The following TAF1 variants were observed in gnomAD, a reference collection of about 807,000 sequenced individuals.
The protein encoded by TAF1 is transcription initiation factor TFIID subunit 1.
A neutral mutation model predicts 138.5 loss-of-function variants in TAF1; 2 were observed. The ratio of observed to expected loss-of-function variants is 0.01; its 90% CI spans 0.01 to 0.05. The LOEUF is 0.05. Ranked by LOEUF, TAF1 falls within the 10% of genes least tolerant of loss-of-function variation. The pLI is 1.00. For synonymous variants in TAF1, 437 were observed against 503.2 expected, an observed-to-expected ratio of 0.87 and a Z score of 1.76; for missense variants, 709 against 1,478.0, an observed-to-expected ratio of 0.48 and a Z score of 8.53.
chrX:71,448,814 CTTTTTCT>C (rs1190028223), intron 32 of TAF1, among the ~76,000 whole-genome samples: 2 of 101,701 alleles, frequency 2.0e-5, no homozygotes, highest in African/African-American at 7.5e-5. Flanking sequence ...TTTTCTTTTT[CTTTTTCT>C]TTTTTTTTTT....
chrX:71,406,538 G>A (rs758504252), intron 25 of TAF1, 100 bp from the exon 26 acceptor site: 3 of 819,692 alleles, frequency 3.7e-6, no homozygotes, highest in Admixed American at 7.4e-5. Flanking sequence ...CGCTAGGCTC[G>A]TGCTTAGGTA....
At chrX:71,467,086 CTTT>C (rs756449044), downstream of TAF1, among the ~76,000 whole-genome samples, 8 of 65,314 alleles carry the variant, frequency 1.2e-4, no homozygotes, top group Non-Finnish European at 2.3e-4. Context: ...GGAGGGCATT[CTTT>C]TTTTTTTTTT....
Position 71,487,589 on chromosome X carries a change from C to T in TAF1, c.1366+26786C>T, listed in dbSNP as rs543712523. Among the ~76,000 whole-genome samples, 3 of 111,588 alleles carry T rather than the reference C, an allele frequency of 2.7e-5. No homozygotes were observed. In the South Asian group the frequency reaches 1.1e-3, roughly 41 times the overall value. On this transcript the variant is annotated intron_variant and NMD_transcript_variant, in intron 13 of 14. Coordinates refer to the TAF1 transcript ENST00000373775. The stretch of plus-strand genomic sequence containing the variant: ...CCAACTGCCTTGGCCTCCCAAAGTG[C>T]TGGAATTACAGGCGTGAGCCACCGC...
chrX:71,524,808 G>C (rs1465713574), intron 13 of TAF1, among the ~76,000 whole-genome samples: 1 of 108,266 alleles, frequency 9.2e-6, no homozygotes, highest in Non-Finnish European at 1.9e-5. Flanking sequence ...AGGTGCAGTG[G>C]CGGTTGCCTG....
chrX:71,392,652 A>C lies in TAF1; in HGVS notation c.2865A>C (p.Ala955=). The change falls in exon 19 of 38, where the codon GCA becomes GCC. Residue 955 remains alanine, a synonymous_variant. Coordinates refer to ENST00000423759, the MANE Select transcript of TAF1 (RefSeq NM_004606.5). ...GKCLLEVTGV[A]DPTGCGEGFS... ...GTCTGCTAGAGGTGACTGGGGTGGCAGATCCCACGGGGTGTGGTGAAGGAT... is the reference window on the plus strand; with the variant it reads ...GTCTGCTAGAGGTGACTGGGGTGGCCGATCCCACGGGGTGTGGTGAAGGAT... 1 of 1,210,322 alleles carries C rather than the reference A, an allele frequency of 8.3e-7. No homozygotes were observed. The highest frequency in any genetic ancestry group is 1.1e-6 in the Non-Finnish European group (1 of 895,030).
chrX:71,445,421 T>G (rs760407655), intron 32 of TAF1, among the ~76,000 whole-genome samples: 1 of 111,757 alleles, frequency 8.9e-6, no homozygotes, highest in African/African-American at 3.3e-5. Flanking sequence ...TGTTAATTAC[T>G]TTTTGTGCAC....
chrX:71,481,497 T>C (rs2039071406), intron 13 of TAF1, among the ~76,000 whole-genome samples: 1 of 112,168 alleles, frequency 8.9e-6, no homozygotes, highest in African/African-American at 3.2e-5. Flanking sequence ...AGTCAAATCT[T>C]GATGGAAACT....
intron 28 of TAF1, among the ~76,000 whole-genome samples, chrX:71,411,159 A>G (rs981282671): frequency 2.8e-5 from 3 of 109,023 alleles, no homozygotes; most frequent in Non-Finnish European, 3.8e-5. Flanking sequence ...GCTCACTGCA[A>G]CTTCCTCCTT....
chrX:71,479,695 T>C (rs1287331256), intron 13 of TAF1, among the ~76,000 whole-genome samples: 1 of 112,254 alleles, frequency 8.9e-6, no homozygotes, highest in Non-Finnish European at 1.9e-5. Context: ...GGTAATGTTC[T>C]GGTTTGTAAG....
At chrX:71,366,517 A>AG (rs780761858) in intron 1 of TAF1, 23 bp downstream of exon 1, 1 of 108,791 alleles carries the variant, frequency 9.2e-6, no homozygotes, top group Non-Finnish European at 1.4e-5. Context: ...GCGTGGGGGT[A>AG]GGGCTCGGGG....
intron 28 of TAF1, chrX:71,420,414 C>T (rs993688799): frequency 3.4e-5 from 41 of 1,209,013 alleles, no homozygotes; most frequent in Non-Finnish European, 3.4e-6. Context: ...GTTGACTGAA[C>T]CACAGCCATG....
chrX:71,394,891 A>G (rs765789889), intron 22 of TAF1, among the ~76,000 whole-genome samples: 2 of 111,647 alleles, frequency 1.8e-5, no homozygotes, highest in Non-Finnish European at 3.8e-5. Context: ...TGTATTTTAT[A>G]GAAAATGTTG....
At chrX:71,471,159 T>A (rs2147485718) in intron 13 of TAF1, among the ~76,000 whole-genome samples, 1 of 106,619 alleles carries the variant, frequency 9.4e-6, no homozygotes, top group African/African-American at 3.4e-5. Flanking sequence ...CTACTAAAAA[T>A]ACAAAAAAAT....
chrX:71,485,883 C>T (rs1243176572), intron 13 of TAF1, among the ~76,000 whole-genome samples: 1 of 111,111 alleles, frequency 9.0e-6, no homozygotes, highest in Non-Finnish European at 1.9e-5. Context: ...CTTTTGTTAC[C>T]TGTACTTTTG....
intron 34 of TAF1, among the ~76,000 whole-genome samples, chrX:71,457,586 AC>A (rs2038363549): frequency 8.9e-6 from 1 of 112,218 alleles, no homozygotes; most frequent in African/African-American, 3.2e-5. Context: ...TATATTGAGT[AC>A]CAGGCATGGG....
chrX:71,528,917 TAC>T (rs1311668621), intron 14 of TAF1, among the ~76,000 whole-genome samples: 3 of 111,994 alleles, frequency 2.7e-5, no homozygotes, highest in African/African-American at 9.7e-5. Context: ...TGGTCCATTT[TAC>T]AGAGTGCTGA....
At chrX:71,386,997 G>C in intron 14 of TAF1, 3 of 340,204 alleles carry the variant, frequency 8.8e-6, no homozygotes, top group Non-Finnish European at 1.5e-5. Flanking sequence ...AAATAGACAT[G>C]TTAAATCATA....
chrX:71,458,327 G>A lies in TAF1; in HGVS notation c.5025G>A (p.Leu1675=), dbSNP rs774193141. Residue 1675 remains leucine, a synonymous_variant, in exon 35 of 38, where the codon TTG becomes TTA. Transcript: ENST00000423759. The stretch of plus-strand genomic sequence containing the variant: ...AAGATGAGAGCAATATGTCTGTCTT[G>A]GATATTCCCAGTGCCACTCCAGAAA... ...VFQDESNMSV[L]DIPSATPEKQ... 8.3e-7 allele frequency: 1 copy of A among 1,211,510 alleles called. No homozygotes were observed. The highest frequency in any genetic ancestry group is 1.8e-5 in the South Asian group (1 of 56,918).
intron 18 of TAF1, 156 bp downstream of exon 18, chrX:71,389,821 T>C (rs998905205): frequency 5.2e-6 from 2 of 386,697 alleles, no homozygotes; most frequent in Admixed American, 5.7e-5. Flanking sequence ...AATGATGCGA[T>C]ATATCAAATA....
Sources: allele counts gnomAD v4.1 joint callset (sites outside exome capture counted in the v4.1 genomes callset), GRCh38; gene constraint gnomAD v4.1.1; transcripts MANE v1.5; gene names NCBI Gene and HGNC (gene_info 2026-07-23, HGNC 2026-07-21).